Variants in FHIP2A observed in about 807,000 individuals in gnomAD.
FHIP2A encodes the protein FHF complex subunit HOOK interacting protein 2A.
A neutral mutation model predicts 93.5 loss-of-function variants in FHIP2A; 46 were observed. The observed-to-expected ratio is 0.49, with a 90% CI of 0.39 to 0.63. The LOEUF is 0.63. FHIP2A is among the 20% of genes least tolerant of loss of function. The pLI, the probability that FHIP2A is intolerant of heterozygous loss-of-function variation, is 0.00. For synonymous variants in FHIP2A, 332 were observed against 326.5 expected (o/e 1.02, Z -0.18); for missense variants, 769 against 909.7 (o/e 0.85, Z 1.99).
Position 114,861,672 on chromosome 10 carries a change from A to T in FHIP2A, c.*132A>T. ...GTATTGCTGTAAACTGGACAGAACC[A>T]TTAAGAACCTATTGAGTGGACATTC... is the stretch of plus-strand genomic sequence containing the variant. On this transcript the variant is annotated 3_prime_UTR_variant, in exon 17 of 17. Transcript: ENST00000369248. The T allele has an allele frequency of 7.0e-7, 1 of 1,438,192 alleles. No homozygotes were observed. Among genetic ancestry groups the T allele is most frequent in the Admixed American group, 2.9e-5 (1 of 34,594 alleles). The allele number at this position is 1,438,192 out of a possible 1,614,324, so 89.1% of individuals were successfully genotyped here.
At chr10:114,835,433 G>A in intron 3 of FHIP2A, 104 bp from the exon 4 acceptor site, 1 of 614,588 alleles carries the variant, frequency 1.6e-6, no homozygotes, top group Non-Finnish European at 2.9e-6. Flanking sequence ...TTTCAAGGTG[G>A]AATACATTCA....
At chr10:114,847,261 C>T (rs745989761) in intron 12 of FHIP2A, 28 bp downstream of exon 12, 13 of 1,581,438 alleles carry the variant, frequency 8.2e-6, no homozygotes, top group Non-Finnish European at 3.4e-6. Flanking sequence ...ATTTGACTTC[C>T]ATCTCTCTTG....
intron 16 of FHIP2A, among the ~76,000 whole-genome samples, chr10:114,872,057 A>C (rs35010779): frequency 0.32 from 48,536 of 152,094 alleles, 8,337 homozygotes; most frequent in South Asian, 0.39. Flanking sequence ...CTTCCTTTGA[A>C]ACTTCTCAAA....
At chr10:114,870,924 C>G (rs534406544) in intron 16 of FHIP2A, among the ~76,000 whole-genome samples, 2 of 152,144 alleles carry the variant, frequency 1.3e-5, no homozygotes, top group African/African-American at 4.8e-5. Flanking sequence ...AGAAGGGGAA[C>G]AGGAGGAGAA....
chr10:114,845,914 C>T, intron 8 of FHIP2A, 99 bp from the exon 9 acceptor site: 2 of 917,066 alleles, frequency 2.2e-6, no homozygotes, highest in South Asian at 3.3e-5. Flanking sequence ...TTTGTCTTTC[C>T]ACATTAATTC....
intron 16 of FHIP2A, among the ~76,000 whole-genome samples, chr10:114,876,799 C>G (rs989697845): frequency 6.6e-6 from 1 of 152,140 alleles, no homozygotes; most frequent in South Asian, 2.1e-4. Flanking sequence ...CTCTGCTGCC[C>G]CTCCCCACAG....
At chr10:114,836,559 T>C (rs1368014205) in intron 5 of FHIP2A, among the ~76,000 whole-genome samples, 1 of 152,208 alleles carries the variant, frequency 6.6e-6, no homozygotes, top group East Asian at 1.9e-4. Flanking sequence ...TATCATATTT[T>C]CAGCCAAGCT....
chr10:114,843,288 T>A (rs2083680421), intron 6 of FHIP2A, 62 bp downstream of exon 6: 1 of 1,089,624 alleles, frequency 9.2e-7, no homozygotes, highest in African/African-American at 1.7e-5. Context: ...ATTTATTTAT[T>A]TTTTTAATTT....
chr10:114,827,161 C>G (rs777042413), intron 1 of FHIP2A, among the ~76,000 whole-genome samples: 2 of 152,128 alleles, frequency 1.3e-5, no homozygotes, highest in Non-Finnish European at 2.9e-5. Flanking sequence ...GCAGTGTTTC[C>G]TTGGGTAAGT....
At chr10:114,871,765 A>T (rs1463690105) in intron 16 of FHIP2A, among the ~76,000 whole-genome samples, 1 of 152,078 alleles carries the variant, frequency 6.6e-6, no homozygotes. Flanking sequence ...CAGAGAAGAG[A>T]TTGTCACCTG....
At chr10:114,868,704 G>A (rs2083843033), downstream of FHIP2A, among the ~76,000 whole-genome samples, 1 of 152,214 alleles carries the variant, frequency 6.6e-6, no homozygotes, top group East Asian at 1.9e-4. Flanking sequence ...TTATATCAGA[G>A]GGGAGAGTAA....
intron 4 of FHIP2A, 93 bp downstream of exon 4, chr10:114,835,734 A>G: frequency 1.3e-6 from 1 of 796,496 alleles, no homozygotes; most frequent in Non-Finnish European, 1.9e-6. Flanking sequence ...AAAATAATGA[A>G]ATTATTCCAA....
At chr10:114,882,686 AC>A (rs2083922907) in intron 16 of FHIP2A, among the ~76,000 whole-genome samples, 3 of 152,178 alleles carry the variant, frequency 2.0e-5, no homozygotes, top group Admixed American at 2.0e-4. Context: ...CAGCCTGGCC[AC>A]CATGGTGAAA....
intron 13 of FHIP2A, among the ~76,000 whole-genome samples, chr10:114,854,695 C>T (rs141258924): frequency 8.7e-4 from 132 of 152,288 alleles, no homozygotes; most frequent in Middle Eastern, 3.4e-3. Context: ...CAGCACTGGT[C>T]GATGGACCAC....
At chr10:114,825,566 T>G (rs1438600371) in intron 1 of FHIP2A, among the ~76,000 whole-genome samples, 1 of 152,200 alleles carries the variant, frequency 6.6e-6, no homozygotes, top group East Asian at 1.9e-4. Context: ...AGAACTGTAA[T>G]GTAACTCCTG....
At chr10:114,842,219 C>G (rs980171996) in intron 5 of FHIP2A, among the ~76,000 whole-genome samples, 3 of 152,030 alleles carry the variant, frequency 2.0e-5, no homozygotes, top group Admixed American at 2.0e-4. Context: ...AGCCACCACA[C>G]CCAGCTTATT....
intron 12 of FHIP2A, among the ~76,000 whole-genome samples, chr10:114,847,659 T>C (rs910679675): frequency 6.6e-6 from 1 of 152,138 alleles, no homozygotes; most frequent in Non-Finnish European, 1.5e-5. Flanking sequence ...ATGTAACAAG[T>C]GCCAGGCTGC....
chr10:114,870,879 G>T (rs2083856091), intron 16 of FHIP2A, among the ~76,000 whole-genome samples: 1 of 151,938 alleles, frequency 6.6e-6, no homozygotes, highest in Non-Finnish European at 1.5e-5. Flanking sequence ...TTGCTAACTG[G>T]CTTTCTATTA....
rs1487753708 is a variant in FHIP2A, at chr10:114,863,796, A to G, written c.*2256A>G. ...GCAAAAACAGTAACTAAAATGCACTATGCTGAGTGGAAAGCACCGTCATAA... is the reference window on the plus strand; with the variant it reads ...GCAAAAACAGTAACTAAAATGCACTGTGCTGAGTGGAAAGCACCGTCATAA... On this transcript the variant is annotated 3_prime_UTR_variant, in exon 17 of 17. Coordinates refer to ENST00000369248, the MANE Select transcript of FHIP2A (RefSeq NM_020940.4). The G allele has an allele frequency of 1.1e-5, 13 of 1,160,688 alleles. No individual in the cohort carries two copies. The highest frequency in any genetic ancestry group is 7.8e-5 in the East Asian group (1 of 12,878). 71.9% of individuals were successfully genotyped at this position (1,160,688 alleles called of 1,614,324 possible).
Sources: gnomAD v4.1 joint callset for allele counts (sites outside exome capture counted in the v4.1 genomes callset) on GRCh38, gnomAD v4.1.1 for gene constraint, MANE v1.5 for transcripts, NCBI Gene and HGNC (gene_info 2026-07-23, HGNC 2026-07-21) for gene names.